CYP4Z1: variants seen among roughly 807,000 people sequenced by gnomAD.
The protein encoded by CYP4Z1 is cytochrome P450 family 4 subfamily Z member 1.
Under a neutral mutation model 54.2 loss-of-function variants are expected in CYP4Z1, and 41 were observed. That is an observed-to-expected ratio of 0.76 (90% CI 0.59 to 0.98). CYP4Z1 has a LOEUF of 0.98. CYP4Z1 is among the 50% of genes least tolerant of loss of function. CYP4Z1 has a pLI of 0.00. For synonymous variants in CYP4Z1, 163 were observed against 206.2 expected (o/e 0.79, Z 1.79); for missense variants, 513 against 599.0 (o/e 0.86, Z 1.50).
chr1:47,099,251 G>A lies in CYP4Z1; in HGVS notation c.1034G>A (p.Arg345Lys), dbSNP rs267598632. The A allele has an allele frequency of 6.2e-7, 1 of 1,613,192 alleles. No individual in the cohort carries two copies. The highest frequency in any genetic ancestry group is 8.5e-7 in the Non-Finnish European group (1 of 1,179,748). Residue 345 changes from arginine (R) to lysine (K), a missense_variant, in exon 8 of 12, where the codon AGG (arginine) becomes AAG (lysine). Physicochemically the swap from Arg to Lys is conservative, Grantham distance 26 (BLOSUM62 2). Coordinates refer to ENST00000334194, the MANE Select transcript of CYP4Z1 (RefSeq NM_178134.3). ...CAGCAGAGATGCCGAGATGAAATCA[G>A]GGAACTCCTAGGGGATGGGTCTTCT... ...EHQQRCRDEI[R>K]ELLGDGSSIT...
At chr1:47,098,238 T>C (rs1644694919) in intron 7 of CYP4Z1, among the ~76,000 whole-genome samples, 1 of 152,264 alleles carries the variant, frequency 6.6e-6, no homozygotes. Flanking sequence ...TATTGATTCT[T>C]CCTATCCATG....
At chr1:47,091,600 G>A (rs1264075709) in intron 6 of CYP4Z1, among the ~76,000 whole-genome samples, 2 of 149,512 alleles carry the variant, frequency 1.3e-5, no homozygotes, top group African/African-American at 4.9e-5. Flanking sequence ...TGCCTGGGGA[G>A]AGACATTATT....
chr1:47,057,335 A>AAAAAAAAAAAATATAT, the CYP4Z1 span, among the ~76,000 whole-genome samples: 114 of 28,344 alleles, frequency 4.0e-3, 1 homozygote, highest in Non-Finnish European at 7.7e-3. Flanking sequence ...AAGAAAAAAA[A>AAAAAAAAAAAATATAT]ATATATATAT....
Position 47,117,924 on chromosome 1 carries a change from A to G in CYP4Z1, c.1508A>G (p.Lys503Arg), listed in dbSNP as rs754846563. ...AATGGAATCCATGTGTTTGCAAAAA[A>G]AGTTTGCTAATTTTAAGTCCTTTCG... ...SKNGIHVFAK[K>R]VC The change falls in exon 12 of 12, where the codon AAA (lysine) becomes AGA (arginine). Residue 503 changes from lysine to arginine, a missense_variant. By Grantham distance (26) the Lys-to-Arg change is conservative (BLOSUM62 2). Transcript: ENST00000334194. The G allele has an allele frequency of 6.2e-7, 1 of 1,612,840 alleles. No individual in the cohort carries two copies. Among genetic ancestry groups the G allele is most frequent in the Non-Finnish European group, 8.5e-7 (1 of 1,179,524 alleles).
chr1:47,095,723 C>T (rs181771525), intron 7 of CYP4Z1, among the ~76,000 whole-genome samples: 4 of 152,160 alleles, frequency 2.6e-5, no homozygotes, highest in African/African-American at 9.6e-5. Flanking sequence ...GTGAACTGCT[C>T]AAGATGACAT....
At chr1:47,101,515 T>C (rs1644721283) in intron 8 of CYP4Z1, among the ~76,000 whole-genome samples, 1 of 152,176 alleles carries the variant, frequency 6.6e-6, no homozygotes, top group Non-Finnish European at 1.5e-5. Flanking sequence ...CCAATTGTTG[T>C]TCAGGAGAAT....
At chr1:47,065,712 A>C (rs1644446039), upstream of CYP4Z1, among the ~76,000 whole-genome samples, 2 of 152,134 alleles carry the variant, frequency 1.3e-5, no homozygotes, top group Admixed American at 6.5e-5. Flanking sequence ...GAAACAAAAA[A>C]AATACAAAAA....
At chr1:47,082,599 C>T in intron 4 of CYP4Z1, 138 bp downstream of exon 4, 1 of 1,232,828 alleles carries the variant, frequency 8.1e-7, no homozygotes, top group Non-Finnish European at 1.1e-6. Context: ...AGACCATGAC[C>T]ATCATCATCA....
intron 8 of CYP4Z1, among the ~76,000 whole-genome samples, chr1:47,102,692 C>A (rs895967202): frequency 7.9e-5 from 12 of 152,136 alleles, no homozygotes; most frequent in Admixed American, 7.9e-4. Flanking sequence ...TACTGTTAGC[C>A]TAATGGAGGT....
intron 10 of CYP4Z1, 48 bp from the exon 11 acceptor site, chr1:47,116,602 G>T: frequency 4.1e-6 from 5 of 1,225,186 alleles, no homozygotes; most frequent in South Asian, 1.5e-5. Context: ...TGTTTTTTGT[G>T]GGGGTGGGCT....
intron 9 of CYP4Z1, 135 bp from the exon 10 acceptor site, chr1:47,115,394 T>C (rs889651111): frequency 4.2e-6 from 3 of 718,370 alleles, no homozygotes; most frequent in Non-Finnish European, 7.0e-6. Context: ...CATGTATACA[T>C]ATGTAACAAA....
intron 9 of CYP4Z1, among the ~76,000 whole-genome samples, chr1:47,108,232 C>G (rs1256578214): frequency 1.3e-5 from 2 of 152,160 alleles, no homozygotes; most frequent in African/African-American, 4.8e-5. Flanking sequence ...TACACACAGG[C>G]ACTCCACAAC....
intron 2 of CYP4Z1, among the ~76,000 whole-genome samples, chr1:47,074,187 A>C (rs1644502504): frequency 6.6e-6 from 1 of 151,718 alleles, no homozygotes; most frequent in Non-Finnish European, 1.5e-5. Flanking sequence ...GTACATGTGC[A>C]GGCTTCTTAC....
chr1:47,066,252 T>A (rs913408834), upstream of CYP4Z1, among the ~76,000 whole-genome samples: 2 of 152,124 alleles, frequency 1.3e-5, no homozygotes, highest in African/African-American at 2.4e-5. Context: ...CAGACCAACA[T>A]CTTTGATGAA....
chr1:47,083,154 A>G (rs1445836861), intron 4 of CYP4Z1, among the ~76,000 whole-genome samples: 2 of 152,030 alleles, frequency 1.3e-5, no homozygotes, highest in South Asian at 2.1e-4. Context: ...GAGTAAAGCA[A>G]TTCTATACAC....
chr1:47,068,989 G>A (rs971251276), intron 2 of CYP4Z1, among the ~76,000 whole-genome samples: 21 of 152,296 alleles, frequency 1.4e-4, no homozygotes, highest in Admixed American at 3.3e-4. Context: ...TCCCTACATG[G>A]CAAATTTTTT....
chr1:47,103,598 T>TTC (rs1248573158), intron 8 of CYP4Z1, among the ~76,000 whole-genome samples: 8 of 140,306 alleles, frequency 5.7e-5, no homozygotes, highest in Non-Finnish European at 1.2e-4. Context: ...TTTTTTTCTT[T>TTC]TTTTTTTTTT....
chr1:47,117,942 T>C lies in CYP4Z1; in HGVS notation c.*8T>C. 1 of 1,612,266 alleles carries C rather than the reference T, an allele frequency of 6.2e-7. No homozygotes were observed. The highest frequency in any genetic ancestry group is 8.5e-7 in the Non-Finnish European group (1 of 1,179,094). ...GCAAAAAAAGTTTGCTAATTTTAAG[T>C]CCTTTCGTATAAGAATTAATGAGAC... On this transcript the variant is annotated 3_prime_UTR_variant, in exon 12 of 12. Transcript: ENST00000334194.
intron 6 of CYP4Z1, among the ~76,000 whole-genome samples, chr1:47,089,998 T>G (rs569116488): frequency 1.8e-4 from 27 of 152,404 alleles, no homozygotes; most frequent in Non-Finnish European, 3.7e-4. Flanking sequence ...ATTAATTTTT[T>G]CTGACTTTCA....
Sources: allele counts gnomAD v4.1 joint callset (sites outside exome capture counted in the v4.1 genomes callset), GRCh38; gene constraint gnomAD v4.1.1; transcripts MANE v1.5; gene names NCBI Gene and HGNC (gene_info 2026-07-23, HGNC 2026-07-21).